The following SNAPC4 variants were observed in gnomAD, a reference collection of about 807,000 sequenced individuals.
SNAPC4 encodes snRNA-activating protein complex subunit 4.
A neutral mutation model predicts 151.3 loss-of-function variants in SNAPC4; 127 were observed. The observed-to-expected ratio is 0.84, with a 90% CI of 0.73 to 0.97. SNAPC4 has a LOEUF of 0.97. Ranked by LOEUF, SNAPC4 falls within the 50% of genes least tolerant of loss-of-function variation. The pLI, the probability that SNAPC4 is intolerant of heterozygous loss-of-function variation, is 0.00. For missense variants in SNAPC4, 2,186 were observed against 1,935.0 expected, an observed-to-expected ratio of 1.13 and a Z score of -2.43; for synonymous variants, 1,002 against 824.4, an observed-to-expected ratio of 1.22 and a Z score of -3.69.
Position 136,383,239 on chromosome 9 carries a change from C to A in SNAPC4, c.1930G>T (p.Ala644Ser). Residue 644 changes from alanine (A) to serine (S), a missense_variant, in exon 16 of 24, where the codon GCC (alanine) becomes TCC (serine). Transcript: ENST00000684778. The surrounding 1 kb of genome is among the most constrained non-coding windows in gnomAD (Gnocchi z 4.2). ...GGGCGAGTGTCTGCTGAGTGGGAGG[C>A]CTGGGCAGACCTCGGGACAGGGCCG... ...AHGPVPRSAQ[A>S]SHSADTRPAG... 1 of 1,592,406 alleles carries A rather than the reference C, an allele frequency of 6.3e-7. No individual in the cohort carries two copies. The highest frequency in any genetic ancestry group is 8.5e-7 in the Non-Finnish European group (1 of 1,170,290).
chr9:136,380,738 A>T lies in SNAPC4; in HGVS notation c.2499+2T>A. 6.5e-7 allele frequency: 1 copy of T among 1,546,254 alleles called. No homozygotes were observed. Among genetic ancestry groups the T allele is most frequent in the Non-Finnish European group, 8.9e-7 (1 of 1,119,644 alleles). ...TCACTTCTCACCCCAAGTGCCTGCT[A>T]CCTGCAGAAGATGAACTGGTGGGTC... On this transcript the variant is annotated splice_donor_variant, in intron 20 of 23. Coordinates refer to ENST00000684778, the MANE Select transcript of SNAPC4 (RefSeq NM_003086.4). LOFTEE classifies it high-confidence loss of function.
At position 136,378,110 on chromosome 9, in the gene SNAPC4, C is replaced by A. The variant is rs773299156; in HGVS notation, c.3717G>T (p.Lys1239Asn). ...QEPRGPLGLE[K>N]LPLRQPGPEK... Reference sequence around the variant, plus strand: ...CAGGCCCAGGCTGGCGCAGGGGCAGCTTCTCCAGGCCCAGAGGCCCCCTGG... The same window carrying A: ...CAGGCCCAGGCTGGCGCAGGGGCAGATTCTCCAGGCCCAGAGGCCCCCTGG... Residue 1239 changes from lysine (K) to asparagine (N), a missense_variant, in exon 22 of 24, where the codon AAG (lysine) becomes AAT (asparagine). Transcript: ENST00000684778. 1.3e-6 allele frequency: 2 copies of A among 1,596,230 alleles called. No individual in the cohort carries two copies. Among genetic ancestry groups the A allele is most frequent in the Non-Finnish European group, 1.7e-6 (2 of 1,172,684 alleles).
At position 136,392,116 on chromosome 9, in the gene SNAPC4, CAG is replaced by C. The variant is rs1564392250; in HGVS notation, c.811-12_811-11del. 1.2e-6 allele frequency: 2 copies of C among 1,610,910 alleles called. No homozygotes were observed. The highest frequency in any genetic ancestry group is 3.3e-5 in the Admixed American group (2 of 59,994). ...TGCGGCTGCCTTCAAACTGCACCGACAGAGACACTCAGCCTTGCAGGCCACTG... is the reference window on the plus strand; with the variant it reads ...TGCGGCTGCCTTCAAACTGCACCGACAGACACTCAGCCTTGCAGGCCACTG... On this transcript the variant is annotated splice_polypyrimidine_tract_variant and intron_variant, in intron 9 of 23. Coordinates refer to ENST00000684778, the MANE Select transcript of SNAPC4 (RefSeq NM_003086.4).
intron 3 of SNAPC4, 120 bp downstream of exon 3, chr9:136,396,857 G>C (rs1339572902): frequency 1.3e-6 from 1 of 786,876 alleles, no homozygotes; most frequent in Non-Finnish European, 2.2e-6. Flanking sequence ...TAACAAACGT[G>C]AATCATTTTT....
chr9:136,378,205 C>G lies in SNAPC4; in HGVS notation c.3622G>C (p.Ala1208Pro). The stretch of plus-strand genomic sequence containing the variant: ...GTTGCTGGGATGACACCACCGAAGG[C>G]TGGCAGCCTCCCGGACCAAGGGGGT... The part of the protein sequence containing the change: ...AEPPWSGRLP[A>P]FGGVIPATEP... Residue 1208 changes from alanine to proline, a missense_variant, in exon 22 of 24, where the codon GCC becomes CCC. Transcript: ENST00000684778. The G allele has an allele frequency of 6.2e-7, 1 of 1,612,136 alleles. No individual in the cohort carries two copies. Among genetic ancestry groups the G allele is most frequent in the Non-Finnish European group, 8.5e-7 (1 of 1,179,776 alleles).
Position 136,391,547 on chromosome 9 carries a change from A to G in SNAPC4, c.975+395T>C, listed in dbSNP as rs1291152667. 7.0e-5 allele frequency among the ~76,000 whole-genome samples: 10 copies of G among 143,540 alleles called. No individual in the cohort carries two copies. In the East Asian group the frequency reaches 2.0e-3, roughly 28 times the overall value. 94.2% of individuals were successfully genotyped at this position (143,540 alleles called of 152,430 possible). A position where few individuals can be genotyped will look rare whatever the true frequency, so the allele number is the denominator to read the frequency against. ...TCAAGACAAGAGACCCAAGTCAGTA[A>G]AGAACTGAGTCCTTACTCAGGAAAC... On this transcript the variant is annotated intron_variant, in intron 10 of 23. Transcript: ENST00000684778.
intron 6 of SNAPC4, 137 bp downstream of exon 6, chr9:136,394,663 C>A: frequency 1.3e-6 from 1 of 748,130 alleles, no homozygotes; most frequent in Non-Finnish European, 2.3e-6. Context: ...GGGGCCAGTC[C>A]CAGTGGTCAA....
chr9:136,396,835 T>C, intron 3 of SNAPC4, 142 bp downstream of exon 3: 2 of 744,754 alleles, frequency 2.7e-6, no homozygotes, highest in Non-Finnish European at 4.8e-6. Flanking sequence ...CAAATGCTTT[T>C]TAATTTTTTT....
chr9:136,384,672 C>CA, intron 14 of SNAPC4, 48 bp downstream of exon 14: 2 of 1,032,526 alleles, frequency 1.9e-6, no homozygotes, highest in Non-Finnish European at 2.9e-6. Flanking sequence ...TTCTAAGAAA[C>CA]AAAAAACAAA....
At chr9:136,390,251 A>G (rs1834021378) in intron 10 of SNAPC4, among the ~76,000 whole-genome samples, 2 of 152,154 alleles carry the variant, frequency 1.3e-5, no homozygotes, top group African/African-American at 4.8e-5. Context: ...ACGATTTGTT[A>G]AAAGGCTGAA....
chr9:136,387,435 G>C (rs1028101236), intron 13 of SNAPC4, 50 bp downstream of exon 13: 1 of 1,306,760 alleles, frequency 7.7e-7, no homozygotes, highest in Non-Finnish European at 1.1e-6. Flanking sequence ...GAGTGCACCT[G>C]GTCAGTGACC....
At chr9:136,395,853 G>C (rs928541188) in intron 3 of SNAPC4, 83 bp from the exon 4 acceptor site, 15 of 1,393,358 alleles carry the variant, frequency 1.1e-5, no homozygotes, top group Non-Finnish European at 1.5e-5. Flanking sequence ...CCATCGCTGG[G>C]CCTCTGGGAC....
At chr9:136,397,110 C>A in intron 2 of SNAPC4, 87 bp from the exon 3 acceptor site, 1 of 1,205,292 alleles carries the variant, frequency 8.3e-7, no homozygotes, top group Non-Finnish European at 1.2e-6. Context: ...TTGGGCAGAC[C>A]TGGGGTTGTG....
In SNAPC4 at chr9:136,377,988, G is replaced by C. The variant is rs145777793; in HGVS notation, c.3839C>G (p.Ala1280Gly). ...GCCCCCCAGCCACTGCTGTGTGGCC[G>C]CCTCGCCCTCCTGGGACAGCAGGCC... is the stretch of plus-strand genomic sequence containing the variant. ...DLGLLSQEGE[A>G]ATQQWLGGQR... Residue 1280 changes from alanine (A) to glycine (G), a missense_variant, in exon 22 of 24, where the codon GCG (alanine) becomes GGG (glycine). Coordinates refer to ENST00000684778, the MANE Select transcript of SNAPC4 (RefSeq NM_003086.4). 1 of 1,602,706 alleles carries C rather than the reference G, an allele frequency of 6.2e-7. No individual in the cohort carries two copies. The highest frequency in any genetic ancestry group is 8.5e-7 in the Non-Finnish European group (1 of 1,175,324).
intron 21 of SNAPC4, 61 bp downstream of exon 21, chr9:136,379,776 C>G: frequency 1.3e-6 from 2 of 1,525,430 alleles, no homozygotes; most frequent in Middle Eastern, 1.7e-4. Flanking sequence ...CCAGGTTAGG[C>G]CTCTTCCCCG....
intron 3 of SNAPC4, 86 bp downstream of exon 3, chr9:136,396,891 G>A: frequency 9.5e-7 from 1 of 1,053,240 alleles, no homozygotes; most frequent in Non-Finnish European, 1.5e-6. Context: ...ACCAATATGG[G>A]TTCAAACCAC....
chr9:136,377,873 T>C lies in SNAPC4; in HGVS notation c.3954A>G (p.Leu1318=). The change falls in exon 22 of 24, where the codon CTA becomes CTG. Residue 1318 remains leucine, a synonymous_variant. Transcript: ENST00000684778. ...LCSLRALSGL[L]LHKKALEHKA... ...TGTGCTCCAGGGCCTTCTTGTGGAG[T>C]AGGAGACCGGACAGAGCTCGCAGGC... 3 of 1,611,204 alleles carry C rather than the reference T, an allele frequency of 1.9e-6. No homozygotes were observed. The highest frequency in any genetic ancestry group is 2.5e-6 in the Non-Finnish European group (3 of 1,179,704).
In SNAPC4 at chr9:136,379,290, A is replaced by C. The variant is rs750229458; in HGVS notation, c.2537T>G (p.Phe846Cys). The change falls in exon 22 of 24, where the codon TTC becomes TGC. Residue 846 changes from phenylalanine (F) to cysteine (C), a missense_variant. Physicochemically the swap from Phe to Cys is radical, Grantham distance 205. Transcript: ENST00000684778. Reference protein sequence around the residue: ...SSAQSTPGHLFPNVPAQEASK... With the variant: ...SSAQSTPGHLCPNVPAQEASK... ...GGCTTCTTGAGCCGGCACGTTTGGG[A>C]AGAGGTGGCCTGTGGGGAGGAAAGA... 5 of 1,612,526 alleles carry C rather than the reference A, an allele frequency of 3.1e-6. No homozygotes were observed. The highest frequency in any genetic ancestry group is 4.2e-6 in the Non-Finnish European group (5 of 1,179,930).
At position 136,387,721 on chromosome 9, in the gene SNAPC4, C is replaced by T. The variant is rs375643989; in HGVS notation, c.1230+21G>A. 38 of 1,514,738 alleles carry T rather than the reference C, an allele frequency of 2.5e-5. No homozygotes were observed. In the African/African-American group the frequency reaches 4.4e-4, roughly 17 times the overall value. 93.8% of individuals were successfully genotyped at this position (1,514,738 alleles called of 1,614,324 possible). ...CGTTACCTTCCCAGAGCCCAGTTCT[C>T]CTAGGGTCCCGCACACTTACAGCAT... is the stretch of plus-strand genomic sequence containing the variant. On this transcript the variant is annotated intron_variant, in intron 12 of 23. Coordinates refer to ENST00000684778, the MANE Select transcript of SNAPC4 (RefSeq NM_003086.4).
Sources: allele counts gnomAD v4.1 joint callset (sites outside exome capture counted in the v4.1 genomes callset), GRCh38; gene constraint gnomAD v4.1.1; non-coding constraint Gnocchi (gnomAD v3.1); transcripts MANE v1.5; gene names NCBI Gene and HGNC (gene_info 2026-07-23, HGNC 2026-07-21).